Variants in CDC73 observed in about 807,000 individuals in gnomAD.
The protein encoded by CDC73 is parafibromin.
In CDC73, 21 loss-of-function variants were observed where a neutral mutation model predicts 83.7. That is an observed-to-expected ratio of 0.25 (90% CI 0.18 to 0.36). The LOEUF is 0.36. CDC73 is among the 10% of genes least tolerant of loss of function. The probability of loss-of-function intolerance (pLI) is 1.00; values close to 1 mark genes in which losing one functional copy is unlikely to be tolerated. For synonymous variants in CDC73, 224 were observed against 212.9 expected (o/e 1.05, Z -0.45); for missense variants, 342 against 653.3 (o/e 0.52, Z 5.19).
chr1:193,201,091 G>T (rs1032646804), intron 10 of CDC73, among the ~76,000 whole-genome samples: 2 of 12,088 alleles, frequency 1.7e-4, no homozygotes, highest in East Asian at 6.4e-4. Flanking sequence ...GTGTATTGGC[G>T]GGGGTGGGTG....
At chr1:193,238,867 A>AGGAG (rs1299652732) in intron 15 of CDC73, among the ~76,000 whole-genome samples, 2 of 152,196 alleles carry the variant, frequency 1.3e-5, no homozygotes, top group South Asian at 2.1e-4. Context: ...GAGTAGGTTG[A>AGGAG]GGAGGAGGAA....
intron 3 of CDC73, among the ~76,000 whole-genome samples, chr1:193,133,733 A>G (rs1161490367): frequency 6.6e-6 from 1 of 152,204 alleles, no homozygotes; most frequent in Non-Finnish European, 1.5e-5. Context: ...TCAACTCATC[A>G]CAGATAAAGG....
At chr1:193,217,372 G>A (rs147694630) in intron 13 of CDC73, among the ~76,000 whole-genome samples, 2 of 152,224 alleles carry the variant, frequency 1.3e-5, no homozygotes, top group African/African-American at 2.4e-5. Flanking sequence ...TTGTCTTGGT[G>A]TACTGGAAGA....
chr1:193,219,200 C>T (rs752088581), intron 13 of CDC73, among the ~76,000 whole-genome samples: 28 of 152,214 alleles, frequency 1.8e-4, no homozygotes, highest in Admixed American at 8.5e-4. Flanking sequence ...CATCTCACAT[C>T]ACACCAGTCA....
intron 15 of CDC73, among the ~76,000 whole-genome samples, chr1:193,247,339 G>C (rs1019867147): frequency 3.9e-5 from 6 of 151,968 alleles, no homozygotes; most frequent in African/African-American, 1.4e-4. Flanking sequence ...AACTTAGATT[G>C]ATAACTGTTG....
intron 10 of CDC73, among the ~76,000 whole-genome samples, chr1:193,163,892 C>T (rs1050726026): frequency 1.3e-5 from 2 of 152,100 alleles, no homozygotes; most frequent in African/African-American, 2.4e-5. Context: ...TGTTCTCCTG[C>T]CTCAGTCTTC....
intron 13 of CDC73, among the ~76,000 whole-genome samples, chr1:193,216,476 C>T (rs1677369424): frequency 6.6e-6 from 1 of 152,052 alleles, no homozygotes; most frequent in Non-Finnish European, 1.5e-5. Flanking sequence ...AGCCCCCCAA[C>T]CCCAAACCAG....
intron 13 of CDC73, among the ~76,000 whole-genome samples, chr1:193,216,518 TA>T (rs1677370770): frequency 6.6e-6 from 1 of 151,952 alleles, no homozygotes; most frequent in African/African-American, 2.4e-5. Context: ...ACCAGATGTA[TA>T]AAGGAGAGCT....
intron 10 of CDC73, among the ~76,000 whole-genome samples, chr1:193,168,160 C>A (rs1676463051): frequency 6.6e-6 from 1 of 151,942 alleles, no homozygotes. Context: ...TGCCTGGCCT[C>A]TTTTTGTTTT....
At chr1:193,194,457 ATG>A (rs1331514331) in intron 10 of CDC73, among the ~76,000 whole-genome samples, 1 of 152,102 alleles carries the variant, frequency 6.6e-6, no homozygotes, top group African/African-American at 2.4e-5. Context: ...CTTTTAGTTC[ATG>A]GACCCATATG....
intron 7 of CDC73, among the ~76,000 whole-genome samples, chr1:193,144,112 C>CAAAAAAAAA (rs67477778): frequency 0.27 from 17,394 of 63,324 alleles, 3,727 homozygotes; most frequent in South Asian, 0.47. Flanking sequence ...TCTGTCTCAC[C>CAAAAAAAAA]AAAAAAAAAA....
rs1284854215 is a variant in CDC73, at chr1:193,249,899, G to A, written c.1559+28G>A. 3.1e-6 allele frequency: 5 copies of A among 1,608,928 alleles called. No homozygotes were observed. The South Asian group carries it at 3.3e-5, about 11-fold the overall frequency. Reference sequence around the variant, plus strand: ...AATTCCGATTCTAAAATATGCTTGTGTGTGTTTTATTGTAATTTTTCTGTC... The same window carrying A: ...AATTCCGATTCTAAAATATGCTTGTATGTGTTTTATTGTAATTTTTCTGTC... On this transcript the variant is annotated intron_variant, in intron 16 of 16. Transcript: ENST00000367435.
intron 2 of CDC73, among the ~76,000 whole-genome samples, chr1:193,126,526 C>G (rs950539978): frequency 4.6e-5 from 7 of 152,130 alleles, no homozygotes; most frequent in Non-Finnish European, 7.4e-5. Context: ...TGGAAAAGTA[C>G]TATAATGCCC....
At chr1:193,224,407 A>G (rs944771259) in intron 13 of CDC73, among the ~76,000 whole-genome samples, 5 of 151,690 alleles carry the variant, frequency 3.3e-5, no homozygotes, top group Non-Finnish European at 7.4e-5. Flanking sequence ...TCACATATAC[A>G]CATATGAAAT....
rs1676336280 is a variant in CDC73, at chr1:193,162,142, ATT to A, written c.972+9699_972+9700del. 2.9e-5 allele frequency among the ~76,000 whole-genome samples: 3 copies of A among 104,544 alleles called. 1 individual carries two copies. The highest frequency in any genetic ancestry group is 5.2e-5 in the Non-Finnish European group (3 of 57,762). 68.6% of individuals were successfully genotyped at this position (104,544 alleles called of 152,430 possible). On this transcript the variant is annotated intron_variant, in intron 10 of 16. Transcript: ENST00000367435. ...ATCTATTATATTGTATATAATATATATTATATATTATCTATTATATTGTATAT... is the reference window on the plus strand; with the variant it reads ...ATCTATTATATTGTATATAATATATAATATATTATCTATTATATTGTATAT...
chr1:193,241,539 GGCAGTA>G (rs778936008), intron 15 of CDC73, among the ~76,000 whole-genome samples: 28 of 152,224 alleles, frequency 1.8e-4, no homozygotes, highest in Non-Finnish European at 1.6e-4. Flanking sequence ...AGTGGGCAAT[GGCAGTA>G]GCAGTGAAGG....
chr1:193,217,015 C>T (rs1439110079), intron 13 of CDC73, among the ~76,000 whole-genome samples: 1 of 151,310 alleles, frequency 6.6e-6, no homozygotes, highest in Non-Finnish European at 1.5e-5. Context: ...AGCATTCCCC[C>T]TGAGAACCAG....
chr1:193,170,501 C>T lies in CDC73; in HGVS notation c.972+18057C>T, dbSNP rs930853234. On this transcript the variant is annotated intron_variant, in intron 10 of 16. Coordinates refer to ENST00000367435, the MANE Select transcript of CDC73 (RefSeq NM_024529.5). ...TGACTGGCGTGAGATGGTATCTTTA[C>T]TGTGGTTTTGATTTCCATTTCTCTA... is the stretch of plus-strand genomic sequence containing the variant. 6.6e-5 allele frequency among the ~76,000 whole-genome samples: 10 copies of T among 152,180 alleles called. 1 individual carries two copies. The East Asian group carries it at 9.6e-4, about 15-fold the overall frequency.
intron 10 of CDC73, among the ~76,000 whole-genome samples, chr1:193,154,402 G>A (rs1322301174): frequency 6.6e-6 from 1 of 152,158 alleles, no homozygotes; most frequent in Non-Finnish European, 1.5e-5. Context: ...TTTAAGGATA[G>A]CTTCTTTATT....
Sources: gnomAD v4.1 joint callset for allele counts (sites outside exome capture counted in the v4.1 genomes callset) on GRCh38, gnomAD v4.1.1 for gene constraint, MANE v1.5 for transcripts, NCBI Gene and HGNC (gene_info 2026-07-23, HGNC 2026-07-21) for gene names.